The following IMMP2L variants were observed in gnomAD, a reference collection of about 807,000 sequenced individuals.
IMMP2L encodes the protein mitochondrial inner membrane protease subunit 2.
Under a neutral mutation model 19.3 loss-of-function variants are expected in IMMP2L, and 18 were observed. The observed-to-expected ratio is 0.93, with a 90% confidence interval of 0.64 to 1.38. IMMP2L has a LOEUF of 1.38. IMMP2L is among the 40% of genes most tolerant of loss of function. The pLI is 0.00. For missense variants in IMMP2L, 233 were observed against 218.2 expected, an observed-to-expected ratio of 1.07 and a Z score of -0.43; for synonymous variants, 76 against 73.0, an observed-to-expected ratio of 1.04 and a Z score of -0.21.
chr7:111,066,104 G>A (rs1008264391), intron 3 of IMMP2L, among the ~76,000 whole-genome samples: 5 of 151,148 alleles, frequency 3.3e-5, no homozygotes, highest in African/African-American at 9.7e-5. Context: ...GCAGCCTCCT[G>A]AATAGCTGGG....
intron 3 of IMMP2L, among the ~76,000 whole-genome samples, chr7:111,387,975 T>TAAAAAAAAAAAAAAAAAA (rs750267136): frequency 2.1e-4 from 20 of 93,402 alleles, no homozygotes; most frequent in African/African-American, 9.2e-4. Context: ...ACTCTGTCTT[T>TAAAAAAAAAAAAAAAAAA]AAAAAAAAAA....
intron 3 of IMMP2L, among the ~76,000 whole-genome samples, chr7:111,243,396 T>C (rs1815402047): frequency 6.6e-6 from 1 of 152,126 alleles, no homozygotes; most frequent in Admixed American, 6.6e-5. Flanking sequence ...TTTATATTCT[T>C]GCATGGACTA....
chr7:111,112,223 C>T (rs972625873), intron 3 of IMMP2L, among the ~76,000 whole-genome samples: 1 of 152,018 alleles, frequency 6.6e-6, no homozygotes, highest in African/African-American at 2.4e-5. Context: ...CTTCGCCTCC[C>T]AAAGTGCTGG....
chr7:111,060,566 G>A (rs372192608), intron 3 of IMMP2L, among the ~76,000 whole-genome samples: 60 of 152,252 alleles, frequency 3.9e-4, no homozygotes, highest in Middle Eastern at 3.4e-3. Context: ...TCTGGCTCCA[G>A]GACTTACTGG....
intron 5 of IMMP2L, among the ~76,000 whole-genome samples, chr7:110,666,548 A>T (rs1791471115): frequency 6.6e-6 from 1 of 152,094 alleles, no homozygotes. Flanking sequence ...TGCTGGGATT[A>T]CAGGTGTGAG....
intron 3 of IMMP2L, among the ~76,000 whole-genome samples, chr7:111,038,893 G>C (rs1364246436): frequency 6.6e-6 from 1 of 152,162 alleles, no homozygotes; most frequent in East Asian, 1.9e-4. Context: ...CAAACTTGGG[G>C]ACGATAACTC....
intron 5 of IMMP2L, among the ~76,000 whole-genome samples, chr7:110,744,089 T>C (rs1172120725): frequency 2.6e-5 from 4 of 152,146 alleles, no homozygotes; most frequent in African/African-American, 9.7e-5. Context: ...GACTCCACCA[T>C]TGCTGAGGCT....
chr7:111,243,475 T>G (rs970632912), intron 3 of IMMP2L, among the ~76,000 whole-genome samples: 2 of 151,590 alleles, frequency 1.3e-5, no homozygotes, highest in South Asian at 2.1e-4. Context: ...TATATGCTTA[T>G]AGAAGTAAAG....
intron 5 of IMMP2L, among the ~76,000 whole-genome samples, chr7:110,745,505 C>T (rs376915502): frequency 3.3e-5 from 5 of 152,040 alleles, no homozygotes; most frequent in African/African-American, 4.8e-5. Context: ...CAGAGAGAAA[C>T]GTCAGGTTAC....
intron 5 of IMMP2L, among the ~76,000 whole-genome samples, chr7:110,674,423 T>C (rs891553031): frequency 1.3e-5 from 2 of 152,202 alleles, no homozygotes; most frequent in African/African-American, 4.8e-5. Context: ...ATGATCAATG[T>C]CAGGTGTGAG....
rs563250431 is a variant in IMMP2L, at chr7:110,758,033, T to C, written c.409-94312A>G. Among the ~76,000 whole-genome samples, 1 of 152,124 alleles carries C rather than the reference T, an allele frequency of 6.6e-6. No homozygotes were observed. Among genetic ancestry groups the C allele is most frequent in the Admixed American group, 6.6e-5 (1 of 15,254 alleles). On this transcript the variant is annotated intron_variant, in intron 5 of 5. Coordinates refer to ENST00000405709, the MANE Select transcript of IMMP2L (RefSeq NM_032549.4). This position sits in a 1 kb window ranked among gnomAD's most constrained non-coding sequence, Gnocchi z 4.6. ...ATTTCTACTAACCACCAAGTAAATA[T>C]GAGATAGGAAGAAAAACTAGAAGAA...
At chr7:110,938,963 C>T (rs980528500) in intron 4 of IMMP2L, among the ~76,000 whole-genome samples, 19 of 151,968 alleles carry the variant, frequency 1.3e-4, no homozygotes, top group African/African-American at 3.1e-4. Flanking sequence ...AACTGACTTC[C>T]GGACCACTTC....
chr7:111,301,491 T>C (rs1822234752), intron 3 of IMMP2L, among the ~76,000 whole-genome samples: 2 of 152,116 alleles, frequency 1.3e-5, no homozygotes, highest in Admixed American at 6.6e-5. Context: ...TTTCCTTCTA[T>C]GGATCATGCT....
chr7:110,938,774 T>G (rs996261629), intron 4 of IMMP2L, among the ~76,000 whole-genome samples: 1 of 152,060 alleles, frequency 6.6e-6, no homozygotes, highest in African/African-American at 2.4e-5. Context: ...AATGGTCACC[T>G]AAGGGGAAGA....
chr7:111,364,241 G>C lies in IMMP2L; in HGVS notation c.239+122997C>G, dbSNP rs184099303. ...ATTGTTAATCATAAGAATTGTAATA[G>C]CCAGCTCTTATAATTAGCATATTCA... On this transcript the variant is annotated intron_variant, in intron 3 of 5. Coordinates refer to ENST00000405709, the MANE Select transcript of IMMP2L (RefSeq NM_032549.4). 8.5e-5 allele frequency among the ~76,000 whole-genome samples: 13 copies of C among 152,090 alleles called. No individual in the cohort carries two copies. In the East Asian group the frequency reaches 2.5e-3, roughly 29 times the overall value.
intron 2 of IMMP2L, among the ~76,000 whole-genome samples, chr7:111,508,368 AAAG>A (rs879392666): frequency 6.6e-6 from 1 of 152,196 alleles, no homozygotes; most frequent in African/African-American, 2.4e-5. Flanking sequence ...AAAATTAAAA[AAAG>A]AACATAATTA....
chr7:110,814,285 T>C (rs1028288811), intron 5 of IMMP2L, among the ~76,000 whole-genome samples: 1 of 151,960 alleles, frequency 6.6e-6, no homozygotes, highest in Non-Finnish European at 1.5e-5. Context: ...AGCAAAATCA[T>C]TAACTGGGGC....
intron 3 of IMMP2L, among the ~76,000 whole-genome samples, chr7:111,052,856 G>C (rs578241463): frequency 6.6e-6 from 1 of 152,264 alleles, no homozygotes; most frequent in East Asian, 1.9e-4. Context: ...GTGCTTCTTT[G>C]CCTCTACTGT....
chr7:111,310,802 C>G (rs765755367), intron 3 of IMMP2L, among the ~76,000 whole-genome samples: 6 of 151,978 alleles, frequency 3.9e-5, no homozygotes, highest in Non-Finnish European at 8.8e-5. Flanking sequence ...AGATCAATAG[C>G]CGTATACCAA....
Sources: allele counts gnomAD v4.1 joint callset (sites outside exome capture counted in the v4.1 genomes callset), GRCh38; gene constraint gnomAD v4.1.1; non-coding constraint Gnocchi (gnomAD v3.1); transcripts MANE v1.5; gene names NCBI Gene and HGNC (gene_info 2026-07-23, HGNC 2026-07-21).